Variants in GPATCH2 observed in about 807,000 individuals in gnomAD.
The protein encoded by GPATCH2 is G patch domain-containing protein 2.
A neutral mutation model predicts 58.0 loss-of-function variants in GPATCH2; 51 were observed. That is an observed-to-expected ratio of 0.88 (90% CI 0.70 to 1.11). The LOEUF is 1.11. Among genes scored for constraint, GPATCH2 ranks in the 50% most tolerant of loss-of-function variants. The pLI is 0.00. For synonymous variants in GPATCH2, 222 were observed against 218.5 expected (o/e 1.02, Z -0.14); for missense variants, 625 against 652.2 (o/e 0.96, Z 0.45).
At chr1:217,592,598 G>A (rs971564683) in intron 5 of GPATCH2, among the ~76,000 whole-genome samples, 12 of 151,758 alleles carry the variant, frequency 7.9e-5, no homozygotes, top group Admixed American at 4.6e-4. Flanking sequence ...ATCATTTATC[G>A]AATTTTTAAA....
chr1:217,573,095 T>G (rs145310059), intron 5 of GPATCH2, among the ~76,000 whole-genome samples: 6 of 152,318 alleles, frequency 3.9e-5, no homozygotes, highest in African/African-American at 9.6e-5. Context: ...AAATGACACT[T>G]TTTAAAGTCA....
intron 1 of GPATCH2, among the ~76,000 whole-genome samples, chr1:217,622,815 T>TA (rs1669263248): frequency 6.6e-6 from 1 of 152,244 alleles, no homozygotes; most frequent in Non-Finnish European, 1.5e-5. Flanking sequence ...GTGCTGGAAT[T>TA]ATAGGCGTGA....
At position 217,614,158 on chromosome 1, in the gene GPATCH2, T is replaced by G. The variant is rs753683381; in HGVS notation, c.818A>C (p.Asn273Thr). 3.8e-6 allele frequency: 6 copies of G among 1,574,322 alleles called. No homozygotes were observed. In the African/African-American group the frequency reaches 8.1e-5, roughly 21 times the overall value. The change falls in exon 3 of 10, where the codon AAT (asparagine) becomes ACT (threonine). Residue 273 changes from asparagine to threonine, a missense_variant. By Grantham distance (65) the Asn-to-Thr change is moderately conservative (BLOSUM62 0). Transcript: ENST00000366935. ...LSSTDAGLFT[N>T]DEGRQGDDEQ... ...TTCAGTACCTTGTCTTCCCTCATCA[T>G]TGGTAAACAATCCAGCATCAGTGCT...
At chr1:217,630,395 A>G (rs1571687562) in intron 1 of GPATCH2, among the ~76,000 whole-genome samples, 1 of 152,208 alleles carries the variant, frequency 6.6e-6, no homozygotes, top group African/African-American at 2.4e-5. Context: ...GCCCCCATAC[A>G]TATCTCACTT....
At chr1:217,461,566 T>A (rs1254907405) in intron 8 of GPATCH2, among the ~76,000 whole-genome samples, 1 of 152,194 alleles carries the variant, frequency 6.6e-6, no homozygotes, top group Non-Finnish European at 1.5e-5. Flanking sequence ...TAACAAGGCA[T>A]GTCAAGGCTT....
Position 217,495,104 on chromosome 1 carries a change from T to C in GPATCH2, c.1206+3252A>G, listed in dbSNP as rs12130602. On this transcript the variant is annotated intron_variant, in intron 7 of 9. Coordinates refer to ENST00000366935, the MANE Select transcript of GPATCH2 (RefSeq NM_018040.5). ...CAGATGTATATTAAAAAATAACTCA[T>C]ATAAGAATTACATTAAAATCTGTAA... 4,818 of 519,708 alleles carry C rather than the reference T, an allele frequency of 9.3e-3. 34 individuals carry two copies. Among genetic ancestry groups the C allele is most frequent in the Non-Finnish European group, 0.011 (4,461 of 404,060 alleles). 32.2% of individuals were successfully genotyped at this position (519,708 alleles called of 1,614,324 possible).
intron 1 of GPATCH2, among the ~76,000 whole-genome samples, chr1:217,624,555 T>C (rs1040087954): frequency 3.3e-5 from 5 of 152,216 alleles, no homozygotes; most frequent in African/African-American, 1.2e-4. Flanking sequence ...TAAGAGACCA[T>C]CACATGACCA....
chr1:217,477,405 C>T (rs895209757), intron 8 of GPATCH2, among the ~76,000 whole-genome samples: 1 of 152,068 alleles, frequency 6.6e-6, no homozygotes, highest in Non-Finnish European at 1.5e-5. Flanking sequence ...GGGCACGGAG[C>T]ACCAAGTGGG....
In GPATCH2 at chr1:217,620,329, T is replaced by G; in HGVS notation, c.227A>C (p.Tyr76Ser). 6.2e-7 allele frequency: 1 copy of G among 1,614,108 alleles called. No homozygotes were observed. Among genetic ancestry groups the G allele is most frequent in the Admixed American group, 1.7e-5 (1 of 60,010 alleles). ...AGTCTCCCACGGGTGATGCACATTATACGACCTCCGTTTTCTCCCTCTCCT... is the reference window on the plus strand; with the variant it reads ...AGTCTCCCACGGGTGATGCACATTAGACGACCTCCGTTTTCTCCCTCTCCT... ...RKRRGRKRRS[Y>S]NVHHPWETGH... Residue 76 changes from tyrosine (Y) to serine (S), a missense_variant, in exon 2 of 10, where the codon TAT becomes TCT. Tyr to Ser is a moderately radical substitution (Grantham distance 144). Transcript: ENST00000366935.
At chr1:217,481,903 A>G (rs564626191) in intron 8 of GPATCH2, among the ~76,000 whole-genome samples, 1 of 152,286 alleles carries the variant, frequency 6.6e-6, no homozygotes, top group East Asian at 1.9e-4. Context: ...AAACAAAACC[A>G]AGTGCTTAGG....
intron 6 of GPATCH2, among the ~76,000 whole-genome samples, chr1:217,508,970 G>C (rs1021438310): frequency 3.3e-5 from 5 of 152,090 alleles, no homozygotes; most frequent in Admixed American, 2.6e-4. Context: ...TTCATACATT[G>C]TTGTGTTATT....
At chr1:217,448,100 GAA>G (rs796368256) in intron 9 of GPATCH2, among the ~76,000 whole-genome samples, 1,729 of 115,596 alleles carry the variant, frequency 0.015, 24 homozygotes, top group Middle Eastern at 0.056. Context: ...CTCTGTCTCA[GAA>G]AAAAAAAAAA....
chr1:217,564,394 G>C (rs1666102113), intron 5 of GPATCH2, among the ~76,000 whole-genome samples: 1 of 152,144 alleles, frequency 6.6e-6, no homozygotes, highest in South Asian at 2.1e-4. Context: ...CACTACTGTA[G>C]CAACAAATTA....
intron 6 of GPATCH2, among the ~76,000 whole-genome samples, chr1:217,499,381 A>G (rs979820619): frequency 4.6e-5 from 7 of 152,170 alleles, no homozygotes; most frequent in Non-Finnish European, 2.9e-5. Context: ...GCTTACTTGC[A>G]TAAGGTGTGT....
intron 5 of GPATCH2, chr1:217,609,827 A>C: frequency 1.0e-6 from 1 of 999,546 alleles, no homozygotes; most frequent in Non-Finnish European, 1.2e-6. Context: ...GAAGTTTAAA[A>C]TTTTCTAGCT....
At chr1:217,577,362 G>A (rs1157122901) in intron 5 of GPATCH2, among the ~76,000 whole-genome samples, 1 of 152,168 alleles carries the variant, frequency 6.6e-6, no homozygotes, top group Admixed American at 6.5e-5. Context: ...ACTCTATGGA[G>A]ACCTAGTTTC....
At chr1:217,534,072 C>A (rs1009534500) in intron 5 of GPATCH2, among the ~76,000 whole-genome samples, 22 of 151,960 alleles carry the variant, frequency 1.4e-4, no homozygotes, top group African/African-American at 5.1e-4. Flanking sequence ...AAAAATTAGC[C>A]GTGCATGGTG....
chr1:217,535,174 A>T (rs1664400659), intron 5 of GPATCH2, among the ~76,000 whole-genome samples: 1 of 152,182 alleles, frequency 6.6e-6, no homozygotes, highest in South Asian at 2.1e-4. Context: ...GGTTATTAGG[A>T]CTACTCAATC....
intron 5 of GPATCH2, among the ~76,000 whole-genome samples, chr1:217,573,168 T>C (rs1351785813): frequency 6.6e-6 from 1 of 152,192 alleles, no homozygotes; most frequent in Admixed American, 6.5e-5. Context: ...TCTCATCATA[T>C]TGAAAGCTTA....
Sources: allele counts gnomAD v4.1 joint callset (sites outside exome capture counted in the v4.1 genomes callset), GRCh38; gene constraint gnomAD v4.1.1; transcripts MANE v1.5; gene names NCBI Gene and HGNC (gene_info 2026-07-23, HGNC 2026-07-21).